KLHL1: variants seen among roughly 807,000 people sequenced by gnomAD.
The protein encoded by KLHL1 is kelch-like protein 1.
A neutral mutation model predicts 77.7 loss-of-function variants in KLHL1; 47 were observed. The ratio of observed to expected loss-of-function variants is 0.60; its 90% CI spans 0.48 to 0.77. KLHL1 has a LOEUF of 0.77. Among genes scored for constraint, KLHL1 ranks in the 30% least tolerant of loss-of-function variants. KLHL1 has a pLI of 0.00. For synonymous variants in KLHL1, 360 were observed against 325.2 expected, an observed-to-expected ratio of 1.11 and a Z score of -1.15; for missense variants, 925 against 910.8, an observed-to-expected ratio of 1.02 and a Z score of -0.20.
chr13:69,753,487 TTAAA>T (rs1874575327), intron 7 of KLHL1, among the ~76,000 whole-genome samples: 1 of 152,064 alleles, frequency 6.6e-6, no homozygotes, highest in Non-Finnish European at 1.5e-5. Flanking sequence ...ACTTTTCTGT[TTAAA>T]TGAATGAATG....
chr13:70,023,668 G>A (rs1885858561), intron 1 of KLHL1, among the ~76,000 whole-genome samples: 1 of 151,792 alleles, frequency 6.6e-6, no homozygotes, highest in African/African-American at 2.4e-5. Flanking sequence ...TTTTGTCCCT[G>A]GTTGACTTTG....
chr13:70,083,569 G>A (rs1887445241), intron 1 of KLHL1, among the ~76,000 whole-genome samples: 1 of 152,082 alleles, frequency 6.6e-6, no homozygotes, highest in African/African-American at 2.4e-5. Flanking sequence ...TCGTAATATT[G>A]TGAAGATAAC....
chr13:69,991,279 G>C (rs1298680682), intron 1 of KLHL1, among the ~76,000 whole-genome samples: 1 of 151,830 alleles, frequency 6.6e-6, no homozygotes, highest in Non-Finnish European at 1.5e-5. Context: ...CCAAAGGCTA[G>C]CAGAAGACAA....
chr13:69,701,514 AT>A lies in KLHL1; in HGVS notation c.*187del, dbSNP rs1338167983. 4 of 521,428 alleles carry A rather than the reference AT, an allele frequency of 7.7e-6. No homozygotes were observed. Among genetic ancestry groups the A allele is most frequent in the African/African-American group, 6.0e-5 (3 of 49,712 alleles). The allele number at this position is 521,428 out of a possible 1,614,324, so 32.3% of individuals were successfully genotyped here. A position where few individuals can be genotyped will look rare whatever the true frequency, so the allele number is the denominator to read the frequency against. ...ACATATGGCCAGACATTTTTCCTGT[AT>A]AAGTTTAATGTTTTCTTGTTTCCTA... is the stretch of plus-strand genomic sequence containing the variant. On this transcript the variant is annotated 3_prime_UTR_variant, in exon 11 of 11. Coordinates refer to ENST00000377844, the MANE Select transcript of KLHL1 (RefSeq NM_020866.3).
At chr13:70,042,317 G>A (rs1886396523) in intron 1 of KLHL1, among the ~76,000 whole-genome samples, 2 of 152,030 alleles carry the variant, frequency 1.3e-5, no homozygotes, top group African/African-American at 4.8e-5. Flanking sequence ...GTGTGTGTGT[G>A]TATTTTTAAC....
chr13:69,968,394 T>C (rs1884281110), intron 2 of KLHL1, among the ~76,000 whole-genome samples: 2 of 149,984 alleles, frequency 1.3e-5, no homozygotes, highest in Non-Finnish European at 3.0e-5. Flanking sequence ...TAATATATAT[T>C]TTGGTGACTT....
intron 1 of KLHL1, among the ~76,000 whole-genome samples, chr13:69,977,055 G>T (rs186963371): frequency 5.9e-5 from 9 of 152,058 alleles, no homozygotes; most frequent in Non-Finnish European, 1.5e-5. Flanking sequence ...TCATTAAGCT[G>T]AACTTTTAAT....
chr13:69,802,679 C>G (rs963964004), intron 6 of KLHL1, among the ~76,000 whole-genome samples: 2 of 150,342 alleles, frequency 1.3e-5, no homozygotes, highest in African/African-American at 2.5e-5. Flanking sequence ...TGCAGCCCCC[C>G]AGTCCCGTAC....
intron 7 of KLHL1, among the ~76,000 whole-genome samples, chr13:69,772,774 G>C (rs994799067): frequency 1.3e-4 from 20 of 152,082 alleles, no homozygotes; most frequent in African/African-American, 4.8e-4. Context: ...TCTGAATAAA[G>C]TGCCTTAAAA....
chr13:69,935,333 A>G (rs1347101129), intron 4 of KLHL1, among the ~76,000 whole-genome samples: 1 of 126,206 alleles, frequency 7.9e-6, no homozygotes, highest in Non-Finnish European at 1.7e-5. Flanking sequence ...AATTAATCGT[A>G]TATATGGAGA....
chr13:69,860,865 ATACTAATAGAATTCT>A (rs1880127993), intron 5 of KLHL1, among the ~76,000 whole-genome samples: 1 of 151,888 alleles, frequency 6.6e-6, no homozygotes, highest in Non-Finnish European at 1.5e-5. Context: ...AAAAAAAAAC[ATACTAATAGAATTCT>A]TACTAATAAA....
chr13:69,989,387 C>T (rs1046639281), intron 1 of KLHL1, among the ~76,000 whole-genome samples: 4 of 151,746 alleles, frequency 2.6e-5, no homozygotes, highest in African/African-American at 9.7e-5. Context: ...AGTCAGGAGT[C>T]AGGCAGTATG....
chr13:69,989,157 C>A (rs1884955255), intron 1 of KLHL1, among the ~76,000 whole-genome samples: 1 of 151,982 alleles, frequency 6.6e-6, no homozygotes, highest in African/African-American at 2.4e-5. Context: ...GGAAGGGGTC[C>A]AGTATCACTT....
At chr13:69,787,047 G>A (rs1345390369) in intron 7 of KLHL1, among the ~76,000 whole-genome samples, 6 of 152,108 alleles carry the variant, frequency 3.9e-5, no homozygotes, top group African/African-American at 1.4e-4. Context: ...ATGCTCATGG[G>A]TAGGAAGAAT....
chr13:69,998,865 A>AT (rs1344239515), intron 1 of KLHL1, among the ~76,000 whole-genome samples: 3 of 151,864 alleles, frequency 2.0e-5, no homozygotes, highest in Non-Finnish European at 2.9e-5. Flanking sequence ...TGGAAAAGTC[A>AT]TTTTTTTGTG....
chr13:69,916,016 G>C (rs1050221802), intron 4 of KLHL1, among the ~76,000 whole-genome samples: 14 of 149,228 alleles, frequency 9.4e-5, no homozygotes, highest in African/African-American at 1.5e-4. Context: ...CCATCAGAGA[G>C]ATGCAAATCA....
At chr13:70,022,530 C>A (rs1885831582) in intron 1 of KLHL1, among the ~76,000 whole-genome samples, 1 of 151,460 alleles carries the variant, frequency 6.6e-6, no homozygotes, top group African/African-American at 2.4e-5. Flanking sequence ...ATATGGTGAT[C>A]AAACAGGAAT....
chr13:69,918,655 C>G (rs1882525688), intron 4 of KLHL1, among the ~76,000 whole-genome samples: 1 of 152,036 alleles, frequency 6.6e-6, no homozygotes, highest in African/African-American at 2.4e-5. Context: ...TACAGTCTTC[C>G]TTAACAAGAC....
chr13:70,062,244 T>G lies in KLHL1; in HGVS notation c.497+44959A>C, dbSNP rs141906402. Among the ~76,000 whole-genome samples the G allele has an allele frequency of 5.4e-3, 816 of 152,260 alleles. 8 individuals are homozygous for G. Among genetic ancestry groups the G allele is most frequent in the African/African-American group, 0.018 (766 of 41,558 alleles). ...TTACCTATCTTGAGCTCATGAGAAATTTTGAGATAAATATGAACAATTTAT... is the reference window on the plus strand; with the variant it reads ...TTACCTATCTTGAGCTCATGAGAAAGTTTGAGATAAATATGAACAATTTAT... On this transcript the variant is annotated intron_variant, in intron 1 of 10. Transcript: ENST00000377844.
Sources: allele counts gnomAD v4.1 joint callset (sites outside exome capture counted in the v4.1 genomes callset), GRCh38; gene constraint gnomAD v4.1.1; transcripts MANE v1.5; gene names NCBI Gene and HGNC (gene_info 2026-07-23, HGNC 2026-07-21).